TMEM132B: variants seen among roughly 807,000 people sequenced by gnomAD.
TMEM132B encodes the protein transmembrane protein 132B.
TMEM132B carries 18 observed loss-of-function variants against 90.8 expected under a neutral mutation model. That is an observed-to-expected ratio of 0.20 (90% confidence interval 0.14 to 0.29). TMEM132B has a LOEUF of 0.29. Among genes scored for constraint, TMEM132B ranks in the 10% least tolerant of loss-of-function variants. The pLI is 1.00. For synonymous variants in TMEM132B, 504 were observed against 523.3 expected (o/e 0.96, Z 0.50); for missense variants, 1,096 against 1,326.8 (o/e 0.83, Z 2.70).
chr12:125,294,948 A>C (rs986006157), intron 1 of TMEM132B, among the ~76,000 whole-genome samples: 1 of 152,256 alleles, frequency 6.6e-6, no homozygotes, highest in Admixed American at 6.5e-5. Context: ...GAAACTATGC[A>C]TAAAGAAAAA....
intron 6 of TMEM132B, among the ~76,000 whole-genome samples, chr12:125,647,111 G>A (rs1333818883): frequency 6.6e-6 from 1 of 152,122 alleles, no homozygotes; most frequent in Non-Finnish European, 1.5e-5. Context: ...AGATGACAGA[G>A]GATAAAATCA....
At chr12:125,621,025 C>A (rs969469312) in intron 5 of TMEM132B, among the ~76,000 whole-genome samples, 15 of 152,124 alleles carry the variant, frequency 9.9e-5, no homozygotes, top group Admixed American at 3.3e-4. Flanking sequence ...TGATTCAAAC[C>A]TCATAAGAAG....
At chr12:125,365,922 T>C (rs1878119171) in intron 2 of TMEM132B, among the ~76,000 whole-genome samples, 1 of 152,096 alleles carries the variant, frequency 6.6e-6, no homozygotes, top group Admixed American at 6.6e-5. Context: ...TATTGTTAAC[T>C]ATAATTTCCC....
chr12:125,307,788 G>GTATATTACAAGTATATATACT (rs71092288), intron 1 of TMEM132B, among the ~76,000 whole-genome samples: 52,167 of 81,074 alleles, frequency 0.64, 18,789 homozygotes, highest in African/African-American at 0.7. Flanking sequence ...TATAATACAA[G>GTATATTACAAGTATATATACT]TATATTACAA....
chr12:125,274,031 C>T (rs1874921970), intron 1 of TMEM132B, among the ~76,000 whole-genome samples: 1 of 152,156 alleles, frequency 6.6e-6, no homozygotes, highest in African/African-American at 2.4e-5. Flanking sequence ...CAGAAAGAAC[C>T]TCTCTCCTGA....
intron 1 of TMEM132B, among the ~76,000 whole-genome samples, chr12:125,254,895 G>A (rs1221733186): frequency 2.0e-5 from 3 of 151,964 alleles, no homozygotes; most frequent in Non-Finnish European, 4.4e-5. Context: ...ATGTTGGGCA[G>A]GCTGATCTCA....
At chr12:125,602,367 T>C (rs190127014) in intron 5 of TMEM132B, among the ~76,000 whole-genome samples, 3 of 152,302 alleles carry the variant, frequency 2.0e-5, no homozygotes, top group East Asian at 1.9e-4. Flanking sequence ...AAAAACTACA[T>C]GATCATCTCA....
In TMEM132B at chr12:125,517,336, T is replaced by TGG. The variant is rs1883188367; in HGVS notation, c.1107-2103_1107-2102insGG. ...CCACCATGCCCTGCTGATTTTTTTT[T>TGG]TTTTTTTTTTTTTTTTTTTTTTTTT... On this transcript the variant is annotated intron_variant, in intron 3 of 8. Transcript: ENST00000682704. Among the ~76,000 whole-genome samples the TGG allele has an allele frequency of 1.8e-4, 6 of 33,986 alleles. 1 individual carries two copies. 22.3% of individuals were successfully genotyped at this position (33,986 alleles called of 152,430 possible). A position where few individuals can be genotyped will look rare whatever the true frequency, so the allele number is the denominator to read the frequency against.
intron 5 of TMEM132B, among the ~76,000 whole-genome samples, chr12:125,616,298 A>G (rs1457095623): frequency 6.6e-6 from 1 of 152,046 alleles, no homozygotes; most frequent in Non-Finnish European, 1.5e-5. Flanking sequence ...ATAGTATTCC[A>G]TGGTGTATAT....
intron 1 of TMEM132B, among the ~76,000 whole-genome samples, chr12:125,333,013 AACAG>A (rs1876836364): frequency 6.6e-6 from 1 of 152,218 alleles, no homozygotes; most frequent in South Asian, 2.1e-4. Context: ...GGCTTAAAAC[AACAG>A]ACACTGATTT....
At chr12:125,637,069 G>T (rs1886501598) in intron 5 of TMEM132B, among the ~76,000 whole-genome samples, 1 of 152,132 alleles carries the variant, frequency 6.6e-6, no homozygotes, top group Non-Finnish European at 1.5e-5. Flanking sequence ...TAGATTGCAG[G>T]TTAGTTTGTT....
chr12:125,540,156 T>C (rs935005032), intron 4 of TMEM132B, among the ~76,000 whole-genome samples: 6 of 152,266 alleles, frequency 3.9e-5, no homozygotes, highest in Non-Finnish European at 5.9e-5. Flanking sequence ...TTCTAACTTT[T>C]ATCCCACTGT....
intron 1 of TMEM132B, among the ~76,000 whole-genome samples, chr12:125,296,476 G>A (rs779698651): frequency 1.3e-5 from 2 of 152,082 alleles, no homozygotes; most frequent in African/African-American, 4.8e-5. Flanking sequence ...TGGCCTTCCC[G>A]GACCTCTCTG....
At chr12:125,467,873 C>A (rs1881610637) in intron 3 of TMEM132B, among the ~76,000 whole-genome samples, 2 of 152,200 alleles carry the variant, frequency 1.3e-5, no homozygotes, top group African/African-American at 2.4e-5. Context: ...ACTTTTGCAT[C>A]TGGCTTCTTT....
intron 1 of TMEM132B, among the ~76,000 whole-genome samples, chr12:125,266,832 C>G (rs775226690): frequency 6.6e-6 from 1 of 152,218 alleles, no homozygotes; most frequent in Non-Finnish European, 1.5e-5. Flanking sequence ...TCAGTCAAGT[C>G]TGTGTTTTCT....
chr12:125,437,719 T>A (rs927590977), intron 3 of TMEM132B, among the ~76,000 whole-genome samples: 1 of 152,154 alleles, frequency 6.6e-6, no homozygotes, highest in Admixed American at 6.5e-5. Flanking sequence ...AAGCCAGACA[T>A]CAAGGGCCAC....
intron 6 of TMEM132B, among the ~76,000 whole-genome samples, chr12:125,645,217 CAAAAAAAAAAAAA>C (rs57035989): frequency 1.4e-5 from 1 of 73,574 alleles, no homozygotes; most frequent in Non-Finnish European, 2.6e-5. Context: ...GACTCCGTCT[CAAAAAAAAAAAAA>C]AAAAAAAAAA....
At chr12:125,488,573 C>T (rs1356782416) in intron 3 of TMEM132B, among the ~76,000 whole-genome samples, 1 of 152,160 alleles carries the variant, frequency 6.6e-6, no homozygotes, top group African/African-American at 2.4e-5. Flanking sequence ...CTCTCTTTGC[C>T]TGCTGCCATC....
At chr12:125,430,380 T>A (rs1880463703) in intron 3 of TMEM132B, among the ~76,000 whole-genome samples, 1 of 151,952 alleles carries the variant, frequency 6.6e-6, no homozygotes, top group Non-Finnish European at 1.5e-5. Flanking sequence ...TAAAACAGGG[T>A]CATGTGATAG....
Sources: allele counts gnomAD v4.1 joint callset (sites outside exome capture counted in the v4.1 genomes callset), GRCh38; gene constraint gnomAD v4.1.1; transcripts MANE v1.5; gene names NCBI Gene and HGNC (gene_info 2026-07-23, HGNC 2026-07-21).